Variants in GLCE observed in about 807,000 individuals in gnomAD.
The protein encoded by GLCE is D-glucuronyl C5-epimerase.
In GLCE, 19 loss-of-function variants were observed where a neutral mutation model predicts 47.9. The observed-to-expected ratio is 0.40, with a 90% CI of 0.28 to 0.58. The LOEUF (loss-of-function observed/expected upper bound fraction) is 0.58. Among genes scored for constraint, GLCE ranks in the 20% least tolerant of loss-of-function variants. GLCE has a pLI of 0.48. For synonymous variants in GLCE, 245 were observed against 263.4 expected (o/e 0.93, Z 0.68); for missense variants, 556 against 743.3 (o/e 0.75, Z 2.93).
intron 4 of GLCE, among the ~76,000 whole-genome samples, chr15:69,266,094 T>G (rs2053081741): frequency 6.6e-6 from 1 of 152,236 alleles, no homozygotes; most frequent in Non-Finnish European, 1.5e-5. Flanking sequence ...AGTTTACTTC[T>G]GCAATCAGTT....
rs1258120112 is a variant in GLCE at position 69,261,411 on chromosome 15, TA to T, written c.829+89del. The T allele has an allele frequency of 4.5e-6, 6 of 1,338,290 alleles. No homozygotes were observed. In the African/African-American group the frequency reaches 5.9e-5, roughly 13 times the overall value. 82.9% of individuals were successfully genotyped at this position (1,338,290 alleles called of 1,614,324 possible). A position where few individuals can be genotyped will look rare whatever the true frequency, so the allele number is the denominator to read the frequency against. Reference sequence around the variant, plus strand: ...AGTCCCTTAAAATTTTAATATGGTTTAAAAAAACACATAAGCAGACCCTTTA... The same window carrying T: ...AGTCCCTTAAAATTTTAATATGGTTTAAAAAACACATAAGCAGACCCTTTA... On this transcript the variant is annotated intron_variant, in intron 4 of 4. Coordinates refer to ENST00000261858, the MANE Select transcript of GLCE (RefSeq NM_015554.3).
chr15:69,201,226 A>G (rs1269528040), intron 1 of GLCE, among the ~76,000 whole-genome samples: 1 of 152,126 alleles, frequency 6.6e-6, no homozygotes, highest in Non-Finnish European at 1.5e-5. Context: ...CCCTTTTGCC[A>G]TGTAAGGTAA....
intron 2 of GLCE, among the ~76,000 whole-genome samples, chr15:69,238,859 A>G (rs1480807595): frequency 6.6e-6 from 1 of 152,262 alleles, no homozygotes; most frequent in African/African-American, 2.4e-5. Flanking sequence ...AAATATATAT[A>G]TAAATAAAAA....
chr15:69,197,283 CT>C (rs1490013813), intron 1 of GLCE: 2 of 320,838 alleles, frequency 6.2e-6, no homozygotes, highest in Non-Finnish European at 6.3e-6. Flanking sequence ...ATCTCAGCAA[CT>C]TTTTGCAGGG....
At chr15:69,177,120 A>T (rs1485697595) in intron 1 of GLCE, among the ~76,000 whole-genome samples, 1 of 151,978 alleles carries the variant, frequency 6.6e-6, no homozygotes, top group Non-Finnish European at 1.5e-5. Context: ...CCTGGGTTCA[A>T]GCGATTCTTG....
At chr15:69,261,804 A>G (rs368088474) in intron 4 of GLCE, among the ~76,000 whole-genome samples, 44 of 152,306 alleles carry the variant, frequency 2.9e-4, no homozygotes, top group African/African-American at 1.1e-3. Flanking sequence ...GGATTTTGTT[A>G]ATGTAGTAGA....
intron 2 of GLCE, among the ~76,000 whole-genome samples, chr15:69,234,227 C>T (rs938474933): frequency 3.3e-5 from 5 of 152,180 alleles, no homozygotes; most frequent in Non-Finnish European, 7.3e-5. Context: ...ATCCGCCCGC[C>T]TCAGCCTCCC....
At chr15:69,231,997 TGGCCA>T (rs1566963370) in intron 2 of GLCE, among the ~76,000 whole-genome samples, 1 of 152,040 alleles carries the variant, frequency 6.6e-6, no homozygotes, top group Non-Finnish European at 1.5e-5. Flanking sequence ...TTCACCATAT[TGGCCA>T]GGCTGGTCTC....
At chr15:69,222,910 C>T (rs1462815205) in intron 2 of GLCE, among the ~76,000 whole-genome samples, 2 of 152,180 alleles carry the variant, frequency 1.3e-5, no homozygotes. Context: ...TTACAATTAA[C>T]ATCCTAGGTT....
chr15:69,231,993 A>G (rs1005114583), intron 2 of GLCE, among the ~76,000 whole-genome samples: 3 of 151,896 alleles, frequency 2.0e-5, no homozygotes, highest in South Asian at 2.1e-4. Flanking sequence ...GGGTTTCACC[A>G]TATTGGCCAG....
chr15:69,218,571 G>C (rs1282580190), intron 2 of GLCE, among the ~76,000 whole-genome samples: 1 of 152,094 alleles, frequency 6.6e-6, no homozygotes, highest in African/African-American at 2.4e-5. Flanking sequence ...CTGTGGGAGG[G>C]AAACTAATAA....
At chr15:69,260,152 A>G (rs2052990991) in intron 3 of GLCE, among the ~76,000 whole-genome samples, 1 of 152,050 alleles carries the variant, frequency 6.6e-6, no homozygotes, top group South Asian at 2.1e-4. Context: ...AACTAAATTC[A>G]TGTTTTAAAA....
chr15:69,261,053 A>C, intron 3 of GLCE, 34 bp from the exon 4 acceptor site: 1 of 1,589,656 alleles, frequency 6.3e-7, no homozygotes, highest in South Asian at 1.1e-5. Flanking sequence ...TAATGTCTGG[A>C]TATGATTATT....
chr15:69,248,071 G>A (rs181151185), intron 2 of GLCE, among the ~76,000 whole-genome samples: 2 of 152,238 alleles, frequency 1.3e-5, no homozygotes, highest in Non-Finnish European at 2.9e-5. Context: ...AGTATTATGA[G>A]CACTTGTATC....
chr15:69,190,302 A>G (rs1046716100), intron 1 of GLCE, among the ~76,000 whole-genome samples: 2 of 152,098 alleles, frequency 1.3e-5, no homozygotes, highest in African/African-American at 4.8e-5. Context: ...TGTTAATTAG[A>G]TCAAGTTGGT....
At chr15:69,171,426 T>C (rs912678589) in intron 1 of GLCE, among the ~76,000 whole-genome samples, 1 of 151,174 alleles carries the variant, frequency 6.6e-6, no homozygotes, top group Non-Finnish European at 1.5e-5. Context: ...AGATGGAGTC[T>C]CGCACTGTCG....
At chr15:69,227,077 G>A (rs955819070) in intron 2 of GLCE, among the ~76,000 whole-genome samples, 2 of 152,034 alleles carry the variant, frequency 1.3e-5, no homozygotes, top group Admixed American at 6.6e-5. Context: ...ATATTCTTGA[G>A]TCGGATGTTA....
chr15:69,242,019 T>C (rs955296281), intron 2 of GLCE, among the ~76,000 whole-genome samples: 6 of 152,206 alleles, frequency 3.9e-5, no homozygotes, highest in Non-Finnish European at 7.4e-5. Flanking sequence ...TATTGTAAAA[T>C]AGCACTCATT....
In GLCE at chr15:69,268,666, G is replaced by A. The variant is rs1566975030; in HGVS notation, c.1276G>A (p.Val426Met). ...TGAGAAAGGTGGCTGGCCAATTATG[G>A]TGACCCGTAAGTTAGGGGAAGGGTT... ...QDEKGGWPIMVTRKLGEGFKS... is the reference protein window; with the variant it reads ...QDEKGGWPIMMTRKLGEGFKS... The change falls in exon 5 of 5, where the codon GTG becomes ATG. Residue 426 changes from valine to methionine, a missense_variant. Physicochemically the swap from Val to Met is conservative, Grantham distance 21 (BLOSUM62 1). Transcript: ENST00000261858. 2 of 1,614,210 alleles carry A rather than the reference G, an allele frequency of 1.2e-6. No homozygotes were observed. Among genetic ancestry groups the A allele is most frequent in the Non-Finnish European group, 8.5e-7 (1 of 1,180,040 alleles).
Sources: gnomAD v4.1 joint callset for allele counts (sites outside exome capture counted in the v4.1 genomes callset) on GRCh38, gnomAD v4.1.1 for gene constraint, MANE v1.5 for transcripts, NCBI Gene and HGNC (gene_info 2026-07-23, HGNC 2026-07-21) for gene names.